The following OR3A2 variants were observed in gnomAD, a reference collection of about 807,000 sequenced individuals.
OR3A2 encodes the protein olfactory receptor 3A2.
For synonymous variants in OR3A2, 126 were observed against 159.3 expected (o/e 0.79, Z 1.57); for missense variants, 318 against 392.8 (o/e 0.81, Z 1.61).
chr17:3,370,459 C>G (rs2049603622), intron 2 of OR3A2, among the ~76,000 whole-genome samples: 1 of 152,056 alleles, frequency 6.6e-6, no homozygotes, highest in Non-Finnish European at 1.5e-5. Context: ...ATTTCTTTAT[C>G]TTGTCAAAGA....
intron 3 of OR3A2, among the ~76,000 whole-genome samples, chr17:3,295,405 A>G (rs2048911413): frequency 1.3e-5 from 2 of 152,106 alleles, no homozygotes; most frequent in South Asian, 4.1e-4. Flanking sequence ...GACACTGACT[A>G]AAAACAGAGT....
At chr17:3,292,427 G>C (rs1377636662) in intron 3 of OR3A2, 5 of 1,614,050 alleles carry the variant, frequency 3.1e-6, no homozygotes, top group East Asian at 2.2e-5. Flanking sequence ...GCTCCACCAA[G>C]ACAGCTGCCA....
At chr17:3,343,889 T>C (rs1415456664) in intron 2 of OR3A2, among the ~76,000 whole-genome samples, 1 of 152,194 alleles carries the variant, frequency 6.6e-6, no homozygotes, top group African/African-American at 2.4e-5. Context: ...TCAAGTAACC[T>C]AGATTCATGC....
At chr17:3,356,615 C>A (rs968060431) in intron 2 of OR3A2, among the ~76,000 whole-genome samples, 1 of 151,440 alleles carries the variant, frequency 6.6e-6, no homozygotes, top group Non-Finnish European at 1.5e-5. Flanking sequence ...GGATTAGACA[C>A]TATTTTCCAC....
intron 3 of OR3A2, among the ~76,000 whole-genome samples, chr17:3,331,823 G>C (rs1227312364): frequency 6.6e-6 from 1 of 151,702 alleles, no homozygotes; most frequent in African/African-American, 2.4e-5. Flanking sequence ...TTTCTGTTCT[G>C]TTTTTTCCCC....
At chr17:3,329,984 A>G (rs1332644034) in intron 3 of OR3A2, among the ~76,000 whole-genome samples, 2 of 146,540 alleles carry the variant, frequency 1.4e-5, no homozygotes, top group African/African-American at 2.7e-5. Context: ...GTAGTCATTC[A>G]GGAGCAGGTT....
intron 2 of OR3A2, among the ~76,000 whole-genome samples, chr17:3,350,396 T>C (rs2150653338): frequency 6.7e-6 from 1 of 149,700 alleles, no homozygotes; most frequent in Non-Finnish European, 1.5e-5. Flanking sequence ...CAGAGAATAC[T>C]ACAAACACCT....
intron 1 of OR3A2, among the ~76,000 whole-genome samples, chr17:3,280,515 G>A (rs950903804): frequency 2.0e-5 from 3 of 152,094 alleles, no homozygotes; most frequent in Non-Finnish European, 4.4e-5. Context: ...CTGGTGATCC[G>A]CCCGCCTCGG....
rs190109560 is a variant in OR3A2, at chr17:3,293,667, A to G, written c.-84-14514T>C. Among the ~76,000 whole-genome samples, 272 of 152,348 alleles carry G rather than the reference A, an allele frequency of 1.8e-3. 1 individual carries two copies. Among genetic ancestry groups the G allele is most frequent in the African/African-American group, 5.8e-3 (243 of 41,586 alleles). On this transcript the variant is annotated intron_variant, in intron 3 of 4. Transcript: ENST00000573491. ...CCATCAAAGAATGTTGCCAATGAAC[A>G]TATGAAAACTGTTACCTGGCAAAGA...
Position 3,311,920 on chromosome 17 carries a change from A to AG in OR3A2, c.-85+24112dup, listed in dbSNP as rs1321547819. The AG allele has an allele frequency of 1.3e-5, 2 of 154,220 alleles. No homozygotes were observed. Among genetic ancestry groups the AG allele is most frequent in the East Asian group, 3.9e-4 (2 of 5,192 alleles). 9.6% of individuals were successfully genotyped at this position (154,220 alleles called of 1,614,324 possible). A position where few individuals can be genotyped will look rare whatever the true frequency, so the allele number is the denominator to read the frequency against. ...CCTGAAAAGGGTGCTGACAGGGAAG[A>AG]GGCCCCCAGCTTGAGAAGATGGGGT... On this transcript the variant is annotated intron_variant, in intron 3 of 4. Transcript: ENST00000573491. This position sits in a 1 kb window ranked among gnomAD's most constrained non-coding sequence, Gnocchi z 4.6.
At chr17:3,349,940 C>T (rs1276793243) in intron 2 of OR3A2, among the ~76,000 whole-genome samples, 2 of 151,048 alleles carry the variant, frequency 1.3e-5, no homozygotes, top group African/African-American at 2.4e-5. Flanking sequence ...CTACTGGGTA[C>T]ATAATGAAAT....
intron 3 of OR3A2, among the ~76,000 whole-genome samples, chr17:3,317,735 T>C (rs2519714): frequency 0.41 from 62,904 of 151,926 alleles, 13,316 homozygotes; most frequent in Admixed American, 0.52. Flanking sequence ...TAAAATTTCA[T>C]TGGGTTTTGA....
rs553024087 is a variant in OR3A2, at chr17:3,330,809, G to C, written c.-85+5224C>G. ...GTTGATGCAGTTTCTTCCTATTCTC[G>C]ATGGTCTTTAAATTTTGGCATGATT... On this transcript the variant is annotated intron_variant, in intron 3 of 4. Coordinates refer to the OR3A2 transcript ENST00000573491. Among the ~76,000 whole-genome samples the C allele has an allele frequency of 4.4e-3, 673 of 152,042 alleles. 3 individuals are homozygous for C. Among genetic ancestry groups the C allele is most frequent in the South Asian group, 0.022 (104 of 4,794 alleles).
intron 1 of OR3A2, among the ~76,000 whole-genome samples, chr17:3,282,717 T>C (rs2048785017): frequency 6.6e-6 from 1 of 152,256 alleles, no homozygotes; most frequent in Admixed American, 6.5e-5. Context: ...TAACTGATAA[T>C]GCTTTGCAAA....
intron 3 of OR3A2, among the ~76,000 whole-genome samples, chr17:3,299,054 T>C (rs1364701404): frequency 1.3e-5 from 2 of 152,228 alleles, no homozygotes; most frequent in Admixed American, 1.3e-4. Flanking sequence ...GCACCCCTCA[T>C]ATTAGTTTCA....
intron 2 of OR3A2, among the ~76,000 whole-genome samples, chr17:3,370,694 T>C (rs2049607364): frequency 2.0e-5 from 3 of 151,576 alleles, no homozygotes; most frequent in East Asian, 1.9e-4. Context: ...GGCAGGGTCA[T>C]AGGACAATAG....
intron 1 of OR3A2, among the ~76,000 whole-genome samples, chr17:3,280,876 A>G (rs2048772805): frequency 6.6e-6 from 1 of 152,212 alleles, no homozygotes; most frequent in Non-Finnish European, 1.5e-5. Context: ...TTTGTTCATA[A>G]AAGTGGGAAT....
intron 3 of OR3A2, among the ~76,000 whole-genome samples, chr17:3,301,026 C>A (rs1597327136): frequency 1.3e-5 from 2 of 152,162 alleles, no homozygotes; most frequent in Admixed American, 6.5e-5. Flanking sequence ...TGAACTCATC[C>A]TTTTTTATGG....
chr17:3,306,199 C>T (rs765030306), intron 3 of OR3A2, among the ~76,000 whole-genome samples: 16 of 152,070 alleles, frequency 1.1e-4, no homozygotes, highest in Non-Finnish European at 2.2e-4. Context: ...TTACCCAGGC[C>T]GAAATTCTAT....
Sources: gnomAD v4.1 joint callset for allele counts (sites outside exome capture counted in the v4.1 genomes callset) on GRCh38, gnomAD v4.1.1 for gene constraint, Gnocchi (gnomAD v3.1) non-coding constraint, MANE v1.5 for transcripts, NCBI Gene and HGNC (gene_info 2026-07-23, HGNC 2026-07-21) for gene names.